Variants in MTARC2 observed in about 807,000 individuals in gnomAD.
The protein encoded by MTARC2 is mitochondrial amidoxime reducing component 2, also known as MOCO sulphurase C-terminal domain containing 2.
A neutral mutation model predicts 35.6 loss-of-function variants in MTARC2; 27 were observed. The observed-to-expected ratio is 0.76, with a 90% CI of 0.56 to 1.04. MTARC2 has a LOEUF of 1.04. Among genes scored for constraint, MTARC2 ranks in the 50% least tolerant of loss-of-function variants. The pLI is 0.00. For missense variants in MTARC2, 412 were observed against 432.5 expected (o/e 0.95, Z 0.42); for synonymous variants, 158 against 167.1 (o/e 0.95, Z 0.42).
chr1:220,752,184 G>T (rs539754860), intron 1 of MTARC2, among the ~76,000 whole-genome samples: 46 of 152,298 alleles, frequency 3.0e-4, no homozygotes, highest in African/African-American at 1.1e-3. Flanking sequence ...GGTGAAGGGC[G>T]ACATTAATAA....
chr1:220,750,497 C>G (rs1362461147), intron 1 of MTARC2, among the ~76,000 whole-genome samples: 1 of 152,174 alleles, frequency 6.6e-6, no homozygotes, highest in East Asian at 1.9e-4. Flanking sequence ...AAATACGTGT[C>G]CTTTGCCTGT....
At chr1:220,776,557 A>T (rs146357500) in intron 4 of MTARC2, among the ~76,000 whole-genome samples, 2 of 152,174 alleles carry the variant, frequency 1.3e-5, no homozygotes, top group African/African-American at 4.8e-5. Context: ...TAGGTTGAGA[A>T]TATATATGAT....
At chr1:220,763,090 GC>G (rs776987579) in intron 4 of MTARC2, 40 bp downstream of exon 4, 1 of 1,613,970 alleles carries the variant, frequency 6.2e-7, no homozygotes, top group Non-Finnish European at 8.5e-7. Context: ...GCTCAGATGT[GC>G]TGCTCGCGGT....
intron 1 of MTARC2, among the ~76,000 whole-genome samples, chr1:220,751,591 T>C (rs1205416415): frequency 1.3e-5 from 2 of 152,214 alleles, no homozygotes; most frequent in African/African-American, 4.8e-5. Flanking sequence ...GTTCCTGCTT[T>C]CCCTCACTTT....
intron 4 of MTARC2, among the ~76,000 whole-genome samples, chr1:220,769,403 C>T (rs563394099): frequency 6.6e-6 from 1 of 152,304 alleles, no homozygotes; most frequent in South Asian, 2.1e-4. Context: ...CGGTGGGTCC[C>T]CCTCTGGCTG....
At chr1:220,768,209 C>G (rs1218812558) in intron 4 of MTARC2, among the ~76,000 whole-genome samples, 4 of 152,074 alleles carry the variant, frequency 2.6e-5, no homozygotes, top group Non-Finnish European at 4.4e-5. Flanking sequence ...TGTAGTGAGT[C>G]CTGACTAACA....
intron 1 of MTARC2, among the ~76,000 whole-genome samples, chr1:220,752,154 C>T (rs1231583287): frequency 6.6e-6 from 1 of 152,162 alleles, no homozygotes; most frequent in Admixed American, 6.5e-5. Flanking sequence ...TCTGGAGCCA[C>T]AGGCCAGGCT....
At chr1:220,779,251 T>C (rs1170205260) in intron 4 of MTARC2, among the ~76,000 whole-genome samples, 1 of 152,230 alleles carries the variant, frequency 6.6e-6, no homozygotes, top group African/African-American at 2.4e-5. Flanking sequence ...TATATGTTTC[T>C]GTATATGTGT....
intron 3 of MTARC2, among the ~76,000 whole-genome samples, chr1:220,762,271 C>T (rs1244609873): frequency 6.6e-6 from 1 of 152,198 alleles, no homozygotes; most frequent in African/African-American, 2.4e-5. Flanking sequence ...GGAAAACTGT[C>T]CCCTGAGCAC....
chr1:220,748,485 G>T lies in MTARC2; in HGVS notation c.-47G>T. On this transcript the variant is annotated 5_prime_UTR_variant, in exon 1 of 8. Coordinates refer to ENST00000366913, the MANE Select transcript of MTARC2 (RefSeq NM_017898.5). ...GGCCTCCTCGTCCTCCCGGTCTCCG[G>T]TCGCTGCCGGGTCTGTGCGCCGGTC... 1 of 1,351,512 alleles carries T rather than the reference G, an allele frequency of 7.4e-7. No homozygotes were observed. The highest frequency in any genetic ancestry group is 9.4e-7 in the Non-Finnish European group (1 of 1,060,782). 83.7% of individuals were successfully genotyped at this position (1,351,512 alleles called of 1,614,324 possible). A position where few individuals can be genotyped will look rare whatever the true frequency, so the allele number is the denominator to read the frequency against.
intron 1 of MTARC2, 151 bp from the exon 2 acceptor site, chr1:220,754,796 A>C: frequency 1.3e-6 from 1 of 766,060 alleles, no homozygotes; most frequent in Non-Finnish European, 2.1e-6. Flanking sequence ...GACCCAAATC[A>C]TTTGGCCAGA....
intron 4 of MTARC2, among the ~76,000 whole-genome samples, chr1:220,764,525 G>A (rs1671528852): frequency 2.6e-5 from 4 of 152,204 alleles, no homozygotes. Context: ...AGGTGCTCAT[G>A]TCTATAGTCC....
intron 2 of MTARC2, among the ~76,000 whole-genome samples, chr1:220,757,887 A>G (rs1000974014): frequency 6.6e-6 from 1 of 152,212 alleles, no homozygotes; most frequent in African/African-American, 2.4e-5. Context: ...AACATAAACC[A>G]ACAACCTCAA....
chr1:220,782,715 C>A (rs72473908), intron 7 of MTARC2, among the ~76,000 whole-genome samples: 2,482 of 152,262 alleles, frequency 0.016, 53 homozygotes, highest in African/African-American at 0.046. Flanking sequence ...ACCTGACCCT[C>A]CTTAAGGACA....
intron 4 of MTARC2, among the ~76,000 whole-genome samples, 176 bp downstream of exon 4, chr1:220,763,226 G>A (rs11118597): frequency 0.32 from 48,795 of 151,856 alleles, 9,444 homozygotes; most frequent in East Asian, 0.75. Flanking sequence ...CCATCAACAC[G>A]CTGGCCTCGG....
chr1:220,772,320 A>G (rs1671766663), intron 4 of MTARC2, among the ~76,000 whole-genome samples: 2 of 152,160 alleles, frequency 1.3e-5, no homozygotes, highest in Admixed American at 6.5e-5. Flanking sequence ...CCTTATACCA[A>G]TTTATATTCC....
intron 4 of MTARC2, among the ~76,000 whole-genome samples, chr1:220,771,296 C>CAA (rs57776178): frequency 0.15 from 8,210 of 55,266 alleles, 855 homozygotes; most frequent in East Asian, 0.23. Flanking sequence ...GAGACTGTCT[C>CAA]AAAAAAAAAA....
At chr1:220,750,478 A>G (rs899430825) in intron 1 of MTARC2, among the ~76,000 whole-genome samples, 12 of 152,180 alleles carry the variant, frequency 7.9e-5, no homozygotes, top group Admixed American at 1.3e-4. Context: ...TACTGCAACC[A>G]TGGAAAGAAA....
At chr1:220,770,253 A>T in intron 4 of MTARC2, 1 of 231,364 alleles carries the variant, frequency 4.3e-6, no homozygotes, top group Non-Finnish European at 7.1e-6. Flanking sequence ...TGCTTTTTCT[A>T]GTTTATCCCT....
Sources: allele counts gnomAD v4.1 joint callset (sites outside exome capture counted in the v4.1 genomes callset), GRCh38; gene constraint gnomAD v4.1.1; transcripts MANE v1.5; gene names NCBI Gene and HGNC (gene_info 2026-07-23, HGNC 2026-07-21).